PARD3B: variants seen among roughly 807,000 people sequenced by gnomAD.
PARD3B encodes the protein partitioning defective 3 homolog B.
In PARD3B, 103 loss-of-function variants were observed where a neutral mutation model predicts 130.2. The ratio of observed to expected loss-of-function variants is 0.79; its 90% CI spans 0.67 to 0.93. The LOEUF (loss-of-function observed/expected upper bound fraction) is 0.93, where lower values mean the gene tolerates loss of function less well. Among genes scored for constraint, PARD3B ranks in the 40% least tolerant of loss-of-function variants. The pLI is 0.00. For missense variants in PARD3B, 1,609 were observed against 1,499.2 expected, an observed-to-expected ratio of 1.07 and a Z score of -1.21; for synonymous variants, 583 against 553.2, an observed-to-expected ratio of 1.05 and a Z score of -0.76.
intron 3 of PARD3B, among the ~76,000 whole-genome samples, chr2:205,040,457 G>A (rs1698317293): frequency 6.6e-6 from 1 of 152,098 alleles, no homozygotes; most frequent in Non-Finnish European, 1.5e-5. Flanking sequence ...CCATATCTCT[G>A]AAGGATACAC....
intron 2 of PARD3B, among the ~76,000 whole-genome samples, chr2:204,732,507 CTT>C (rs58373732): frequency 1.2e-4 from 18 of 144,574 alleles, no homozygotes; most frequent in African/African-American, 3.3e-4. Flanking sequence ...GTAAGGATAT[CTT>C]TTTTTTTTTT....
intron 18 of PARD3B, among the ~76,000 whole-genome samples, chr2:205,380,577 A>ATAAAG (rs2045330331): frequency 8.2e-4 from 3 of 3,674 alleles, no homozygotes; most frequent in Non-Finnish European, 2.0e-3. Flanking sequence ...TATATAAAGA[A>ATAAAG]TATATATTAT....
chr2:204,787,539 AT>A (rs1365902096), intron 2 of PARD3B, among the ~76,000 whole-genome samples: 1 of 152,126 alleles, frequency 6.6e-6, no homozygotes, highest in Admixed American at 6.5e-5. Flanking sequence ...AGAAAACAGG[AT>A]TTCTGGAGAG....
rs544857462 is a variant in PARD3B, at chr2:205,397,462, A to C, written c.2631-3551A>C. Reference sequence around the variant, plus strand: ...ACCAAACATATTCCACTGTGAGGGAAGGATAATGAGCTATTGCTGAACTGC... The same window carrying C: ...ACCAAACATATTCCACTGTGAGGGACGGATAATGAGCTATTGCTGAACTGC... On this transcript the variant is annotated intron_variant, in intron 18 of 22. Coordinates refer to ENST00000406610, the MANE Select transcript of PARD3B (RefSeq NM_001302769.2). This position sits in a 1 kb window ranked among gnomAD's most constrained non-coding sequence, Gnocchi z 4.8. Among the ~76,000 whole-genome samples, 1 of 152,340 alleles carries C rather than the reference A, an allele frequency of 6.6e-6. No homozygotes were observed. The highest frequency in any genetic ancestry group is 2.1e-4 in the South Asian group (1 of 4,830).
intron 16 of PARD3B, among the ~76,000 whole-genome samples, chr2:205,279,704 G>A (rs901848034): frequency 8.5e-5 from 13 of 152,090 alleles, no homozygotes; most frequent in African/African-American, 2.9e-4. Flanking sequence ...AGCGGGAAAG[G>A]TTGCTTTTGA....
intron 18 of PARD3B, among the ~76,000 whole-genome samples, chr2:205,320,602 G>A (rs1320716357): frequency 6.6e-6 from 1 of 152,192 alleles, no homozygotes; most frequent in Non-Finnish European, 1.5e-5. Flanking sequence ...ACTATCAATA[G>A]AGAGGATAAG....
intron 18 of PARD3B, among the ~76,000 whole-genome samples, chr2:205,344,201 TG>T (rs2043659702): frequency 1.3e-5 from 2 of 151,456 alleles, no homozygotes; most frequent in South Asian, 2.1e-4. Flanking sequence ...GGTTTGTGTG[TG>T]TGTGTGTGTG....
At chr2:205,032,882 A>G (rs1303364422) in intron 3 of PARD3B, among the ~76,000 whole-genome samples, 1 of 152,218 alleles carries the variant, frequency 6.6e-6, no homozygotes, top group Admixed American at 6.5e-5. Flanking sequence ...ATAGATTTGT[A>G]TTCAGGATGC....
chr2:204,637,105 A>G (rs143304617), intron 1 of PARD3B, among the ~76,000 whole-genome samples: 2,931 of 152,170 alleles, frequency 0.019, 92 homozygotes, highest in African/African-American at 0.067. Context: ...CTTATCCCCA[A>G]TAATTTTTGT....
chr2:205,324,489 G>A (rs750565054), intron 18 of PARD3B, among the ~76,000 whole-genome samples: 32 of 152,164 alleles, frequency 2.1e-4, no homozygotes, highest in African/African-American at 7.7e-4. Context: ...TTCCTTTCTT[G>A]AAAGGGCAGG....
rs1484061501 is a variant in PARD3B at position 205,575,426 on chromosome 2, T to TAATG, written c.3260+22023_3260+22024insAATG. On this transcript the variant is annotated intron_variant, in intron 22 of 22. Coordinates refer to ENST00000406610, the MANE Select transcript of PARD3B (RefSeq NM_001302769.2). This position sits in a 1 kb window ranked among gnomAD's most constrained non-coding sequence, Gnocchi z 4.6. ...TACATTAGCGCTCTCTCGGTGTTGT[T>TAATG]CATTCTGTGGGTTTGGACAAGTGTA... 6.6e-6 allele frequency among the ~76,000 whole-genome samples: 1 copy of TAATG among 152,038 alleles called. No homozygotes were observed. Among genetic ancestry groups the TAATG allele is most frequent in the Non-Finnish European group, 1.5e-5 (1 of 67,996 alleles).
intron 20 of PARD3B, among the ~76,000 whole-genome samples, chr2:205,472,455 A>G (rs532071335): frequency 6.6e-6 from 1 of 152,308 alleles, no homozygotes; most frequent in South Asian, 2.1e-4. Flanking sequence ...GGGCCATCAT[A>G]CTGAGTTTTA....
intron 1 of PARD3B, among the ~76,000 whole-genome samples, chr2:204,594,636 C>T (rs1212792780): frequency 2.0e-5 from 3 of 152,166 alleles, no homozygotes; most frequent in Non-Finnish European, 2.9e-5. Flanking sequence ...AATTGCTAAT[C>T]ACCCCTTCTT....
At chr2:204,859,040 T>C (rs1310539186) in intron 2 of PARD3B, among the ~76,000 whole-genome samples, 1 of 151,904 alleles carries the variant, frequency 6.6e-6, no homozygotes, top group Admixed American at 6.6e-5. Context: ...TCAGTGAAAT[T>C]AGAATGTAAA....
Position 205,291,098 on chromosome 2 carries a change from A to G in PARD3B, c.2186-9432A>G, listed in dbSNP as rs2041591416. ...ATGACACTATAACAAATACCTAAAA[A>G]TATGGAAACAGCTTTGAAACTGGGT... On this transcript the variant is annotated intron_variant, in intron 16 of 22. Transcript: ENST00000406610. The surrounding 1 kb of genome is among the most constrained non-coding windows in gnomAD (Gnocchi z 4.6). Among the ~76,000 whole-genome samples, 1 of 152,214 alleles carries G rather than the reference A, an allele frequency of 6.6e-6. No individual in the cohort carries two copies. Among genetic ancestry groups the G allele is most frequent in the Non-Finnish European group, 1.5e-5 (1 of 68,038 alleles).
At chr2:204,822,800 G>A (rs554130240) in intron 2 of PARD3B, among the ~76,000 whole-genome samples, 1 of 152,314 alleles carries the variant, frequency 6.6e-6, no homozygotes, top group East Asian at 1.9e-4. Context: ...GATGGCCTTT[G>A]AGAGAATCTT....
At chr2:205,213,215 T>C (rs938964764) in intron 15 of PARD3B, among the ~76,000 whole-genome samples, 1 of 146,770 alleles carries the variant, frequency 6.8e-6, no homozygotes, top group Non-Finnish European at 1.5e-5. Context: ...TAGGGGACTG[T>C]CATTTTTTTT....
At chr2:205,242,774 G>T (rs1448276209) in intron 15 of PARD3B, among the ~76,000 whole-genome samples, 1 of 152,040 alleles carries the variant, frequency 6.6e-6, no homozygotes, top group Non-Finnish European at 1.5e-5. Context: ...TATGTGTCTG[G>T]AACTGTGCAA....
chr2:205,081,553 C>G (rs1701405728), intron 4 of PARD3B, among the ~76,000 whole-genome samples: 1 of 151,944 alleles, frequency 6.6e-6, no homozygotes, highest in Non-Finnish European at 1.5e-5. Context: ...AATAGATTCC[C>G]TATGTTAGGT....
Sources: gnomAD v4.1 joint callset for allele counts (sites outside exome capture counted in the v4.1 genomes callset) on GRCh38, gnomAD v4.1.1 for gene constraint, Gnocchi (gnomAD v3.1) non-coding constraint, MANE v1.5 for transcripts, NCBI Gene and HGNC (gene_info 2026-07-23, HGNC 2026-07-21) for gene names.